Variants in OSMR observed in about 807,000 individuals in gnomAD.
OSMR encodes oncostatin-M-specific receptor subunit beta.
A neutral mutation model predicts 99.9 loss-of-function variants in OSMR; 81 were observed. The observed-to-expected ratio is 0.81, with a 90% CI of 0.68 to 0.97. The LOEUF is 0.97. Ranked by LOEUF, OSMR falls within the 50% of genes least tolerant of loss-of-function variation. The probability of loss-of-function intolerance (pLI) is 0.00; values close to 1 mark genes in which losing one functional copy is unlikely to be tolerated. For synonymous variants in OSMR, 406 were observed against 410.4 expected (o/e 0.99, Z 0.13); for missense variants, 1,099 against 1,153.4 (o/e 0.95, Z 0.68).
At chr5:38,930,616 T>C (rs116392089) in intron 15 of OSMR, among the ~76,000 whole-genome samples, 2,893 of 152,230 alleles carry the variant, frequency 0.019, 105 homozygotes, top group African/African-American at 0.066. Flanking sequence ...TGAATTATTA[T>C]TTGGTGGAAA....
intron 1 of OSMR, among the ~76,000 whole-genome samples, chr5:38,856,360 G>A (rs1740841346): frequency 1.3e-5 from 2 of 152,158 alleles, no homozygotes; most frequent in African/African-American, 4.8e-5. Context: ...GAAGGTTTTT[G>A]GGCAGTAGCT....
At chr5:38,880,316 G>A (rs1025222000) in intron 3 of OSMR, among the ~76,000 whole-genome samples, 3 of 152,142 alleles carry the variant, frequency 2.0e-5, no homozygotes, top group African/African-American at 7.2e-5. Context: ...ATGCAGACTC[G>A]AACTCAGGTT....
intron 17 of OSMR, 25 bp downstream of exon 17, chr5:38,932,560 T>A: frequency 6.3e-7 from 1 of 1,593,958 alleles, no homozygotes; most frequent in African/African-American, 1.3e-5. Context: ...ATTGTATGTA[T>A]ACCATATACC....
At chr5:38,890,971 C>T (rs993067968) in intron 7 of OSMR, among the ~76,000 whole-genome samples, 1 of 152,144 alleles carries the variant, frequency 6.6e-6, no homozygotes, top group African/African-American at 2.4e-5. Context: ...CTTAATCTCT[C>T]CAGACCAAAT....
intron 7 of OSMR, among the ~76,000 whole-genome samples, chr5:38,888,356 C>T (rs535423591): frequency 3.1e-4 from 40 of 129,968 alleles, no homozygotes; most frequent in African/African-American, 1.0e-3. Flanking sequence ...CCCGAATTGC[C>T]ATGTTTGGGT....
chr5:38,906,286 A>C (rs1426301523), intron 9 of OSMR, among the ~76,000 whole-genome samples: 1 of 152,098 alleles, frequency 6.6e-6, no homozygotes. Flanking sequence ...GAAAACGCTT[A>C]ACTTTGCTTT....
In OSMR at chr5:38,921,740, G is replaced by T; in HGVS notation, c.1711G>T (p.Asp571Tyr). Residue 571 changes from aspartate (D) to tyrosine (Y), a missense_variant, in exon 12 of 18, where the codon GAT becomes TAT. Physicochemically the swap from Asp to Tyr is radical, Grantham distance 160. Transcript: ENST00000274276. ...WCDHTQDVLG[D>Y]FQWKNVGPNT... ...TGACCATACCCAGGATGTGCTCGGT[G>T]ATTTCCAGTGGAAGAATGTAGGTCC... 6.2e-7 allele frequency: 1 copy of T among 1,614,140 alleles called. No homozygotes were observed. The highest frequency in any genetic ancestry group is 8.5e-7 in the Non-Finnish European group (1 of 1,180,018).
downstream of OSMR, among the ~76,000 whole-genome samples, chr5:38,937,716 TAAAA>T (rs552560212): frequency 2.6e-5 from 4 of 152,208 alleles, no homozygotes; most frequent in Non-Finnish European, 2.9e-5. The surrounding 1 kb of genome is among the most constrained non-coding windows in gnomAD (Gnocchi z 4.0). Flanking sequence ...TTTAGATATT[TAAAA>T]AACTACAAAG....
At chr5:38,881,988 T>C (rs1474789562) in intron 4 of OSMR, among the ~76,000 whole-genome samples, 1 of 152,206 alleles carries the variant, frequency 6.6e-6, no homozygotes, top group African/African-American at 2.4e-5. Flanking sequence ...GTTGTGCAGA[T>C]TCAGGCAATT....
At position 38,942,821 on chromosome 5, in the gene OSMR, A is replaced by G. The variant is rs778025826; in HGVS notation, c.75-1380A>G. On this transcript the variant is annotated intron_variant and NMD_transcript_variant, in intron 1 of 2. Coordinates refer to the OSMR transcript ENST00000508882. ...TTGGAAGATAAATTTGAGAAGTACT[A>G]ATCATACTTACTTGTAGAAACTGTA... The G allele has an allele frequency of 9.5e-6, 15 of 1,574,572 alleles. No homozygotes were observed. In the South Asian group the frequency reaches 1.3e-4, roughly 14 times the overall value.
intron 1 of OSMR, among the ~76,000 whole-genome samples, chr5:38,862,107 C>CA (rs1458394247): frequency 9.3e-5 from 11 of 118,008 alleles, no homozygotes; most frequent in Non-Finnish European, 1.8e-4. Context: ...GGCTGACCCC[C>CA]CACCTCCCTC....
At chr5:38,911,794 C>G (rs186356317) in intron 9 of OSMR, among the ~76,000 whole-genome samples, 11 of 152,174 alleles carry the variant, frequency 7.2e-5, no homozygotes, top group African/African-American at 2.4e-4. Flanking sequence ...TCACATAAAC[C>G]GAACTAAAAA....
chr5:38,899,825 C>T (rs761441795), intron 7 of OSMR, among the ~76,000 whole-genome samples: 4 of 152,162 alleles, frequency 2.6e-5, no homozygotes, highest in African/African-American at 4.8e-5. Context: ...CTTCTCCTCA[C>T]GCAGAAGGAA....
intron 1 of OSMR, among the ~76,000 whole-genome samples, chr5:38,862,958 T>C (rs898096354): frequency 1.3e-5 from 2 of 151,786 alleles, no homozygotes; most frequent in Admixed American, 6.6e-5. Flanking sequence ...GGTTAGGAGC[T>C]GGAGACCAGC....
In OSMR at chr5:38,861,632, G is replaced by A. The variant is rs193167498; in HGVS notation, c.-13-7400G>A. Among the ~76,000 whole-genome samples the A allele has an allele frequency of 3.3e-3, 505 of 152,354 alleles. 2 individuals carry two copies. The highest frequency in any genetic ancestry group is 0.012 in the African/African-American group (482 of 41,588). On this transcript the variant is annotated intron_variant, in intron 1 of 17. Coordinates refer to ENST00000274276, the MANE Select transcript of OSMR (RefSeq NM_003999.3). Reference sequence around the variant, plus strand: ...CCGGCCCGCTCTCAATGAGCTGTTGGGTTCACCTCCCAGACGGGGTGGTGG... The same window carrying A: ...CCGGCCCGCTCTCAATGAGCTGTTGAGTTCACCTCCCAGACGGGGTGGTGG...
At chr5:38,907,291 G>T (rs1213001686) in intron 9 of OSMR, among the ~76,000 whole-genome samples, 1 of 152,176 alleles carries the variant, frequency 6.6e-6, no homozygotes, top group African/African-American at 2.4e-5. Context: ...CCCTGCCGTG[G>T]ACCTTTGGAA....
rs532695128 is a variant in OSMR, at chr5:38,932,224, T to G, written c.2295-239T>G. Among the ~76,000 whole-genome samples, 28 of 152,360 alleles carry G rather than the reference T, an allele frequency of 1.8e-4. No individual in the cohort carries two copies. The Middle Eastern group carries it at 0.01, about 56-fold the overall frequency. ...GCTAATATTTATATCTCTCTTACTG[T>G]ATGTTTGGCAATGTTCTAAGTGCTT... is the stretch of plus-strand genomic sequence containing the variant. On this transcript the variant is annotated intron_variant, in intron 16 of 17. Coordinates refer to ENST00000274276, the MANE Select transcript of OSMR (RefSeq NM_003999.3).
At chr5:38,847,363 A>G (rs1031455387) in intron 1 of OSMR, among the ~76,000 whole-genome samples, 1 of 151,784 alleles carries the variant, frequency 6.6e-6, no homozygotes, top group African/African-American at 2.4e-5. Context: ...CTAGTTTTTT[A>G]TTATATTTTA....
At chr5:38,924,339 A>G in intron 13 of OSMR, 83 bp from the exon 14 acceptor site, 3 of 1,602,198 alleles carry the variant, frequency 1.9e-6, no homozygotes, top group Non-Finnish European at 1.7e-6. Context: ...AGAGCTGGCT[A>G]TGGTTCTTCT....
Sources: gnomAD v4.1 joint callset for allele counts (sites outside exome capture counted in the v4.1 genomes callset) on GRCh38, gnomAD v4.1.1 for gene constraint, Gnocchi (gnomAD v3.1) non-coding constraint, MANE v1.5 for transcripts, NCBI Gene and HGNC (gene_info 2026-07-23, HGNC 2026-07-21) for gene names.